The following FRMD4A variants were observed in gnomAD, a reference collection of about 807,000 sequenced individuals.
FRMD4A encodes the protein FERM domain containing 4A, also known as FERM domain-containing protein 4A.
In FRMD4A, 29 loss-of-function variants were observed where a neutral mutation model predicts 129.1. The ratio of observed to expected loss-of-function variants is 0.22; its 90% CI spans 0.17 to 0.31. The LOEUF is 0.31. Ranked by LOEUF, FRMD4A falls within the 10% of genes least tolerant of loss-of-function variation. FRMD4A has a pLI of 1.00. For missense variants in FRMD4A, 1,272 were observed against 1,375.8 expected, an observed-to-expected ratio of 0.92 and a Z score of 1.19; for synonymous variants, 634 against 571.6, an observed-to-expected ratio of 1.11 and a Z score of -1.56.
intron 2 of FRMD4A, among the ~76,000 whole-genome samples, chr10:13,972,685 T>C (rs1418509516): frequency 4.6e-5 from 7 of 152,232 alleles, no homozygotes; most frequent in African/African-American, 1.7e-4. Flanking sequence ...TAAGTTGTTT[T>C]GATTGTTGAT....
chr10:13,992,252 G>A (rs895086024), intron 2 of FRMD4A, among the ~76,000 whole-genome samples: 3 of 152,238 alleles, frequency 2.0e-5, no homozygotes, highest in Non-Finnish European at 2.9e-5. Flanking sequence ...GGTTCAAGGG[G>A]TTTCTACAAA....
chr10:14,205,794 G>A (rs1362569270), intron 2 of FRMD4A, among the ~76,000 whole-genome samples: 2 of 127,012 alleles, frequency 1.6e-5, no homozygotes, highest in Admixed American at 8.5e-5. Context: ...GCGACAGAGC[G>A]AGACTCTGTC....
At chr10:14,058,622 G>T (rs1834657069) in intron 2 of FRMD4A, among the ~76,000 whole-genome samples, 1 of 152,226 alleles carries the variant, frequency 6.6e-6, no homozygotes, top group African/African-American at 2.4e-5. Flanking sequence ...GGGAGGCACA[G>T]ATTGGATTCT....
chr10:14,208,837 T>C (rs772792072), intron 2 of FRMD4A, among the ~76,000 whole-genome samples: 1 of 152,152 alleles, frequency 6.6e-6, no homozygotes, highest in Non-Finnish European at 1.5e-5. Context: ...AGATCCATAT[T>C]GATGAAACAG....
intron 7 of FRMD4A, among the ~76,000 whole-genome samples, 197 bp from the exon 8 acceptor site, chr10:13,761,866 A>G (rs17628770): frequency 0.22 from 32,908 of 152,234 alleles, 4,507 homozygotes; most frequent in Non-Finnish European, 0.3. Context: ...ATATGAAACT[A>G]AACTCTAGAA....
rs920091175 is a variant in FRMD4A, at chr10:13,675,917, T to C, written c.1118-873A>G. 9 of 152,114 alleles carry C rather than the reference T, an allele frequency of 5.9e-5. 1 individual carries two copies. Among genetic ancestry groups the C allele is most frequent in the African/African-American group, 2.2e-4 (9 of 41,346 alleles). The allele number at this position is 152,114 out of a possible 1,614,324, so 9.4% of individuals were successfully genotyped here. A position where few individuals can be genotyped will look rare whatever the true frequency, so the allele number is the denominator to read the frequency against. On this transcript the variant is annotated intron_variant, in intron 15 of 24. Transcript: ENST00000357447. Reference sequence around the variant, plus strand: ...TTTAAAAAATAAAATTAGAATGCTATTGTATTTTTTAACTTCATGTTTTGT... The same window carrying C: ...TTTAAAAAATAAAATTAGAATGCTACTGTATTTTTTAACTTCATGTTTTGT...
At position 14,023,442 on chromosome 10, in the gene FRMD4A, T is replaced by C. The variant is rs547958102; in HGVS notation, c.46-164530A>G. On this transcript the variant is annotated intron_variant, in intron 2 of 24. Transcript: ENST00000357447. ...CTATAAAGAAAGCGCCAACCTTCCA[T>C]AGCCTTCTCCAGCTGCGAGACGCAG... is the stretch of plus-strand genomic sequence containing the variant. 3.9e-5 allele frequency among the ~76,000 whole-genome samples: 6 copies of C among 152,274 alleles called. No individual in the cohort carries two copies. The South Asian group carries it at 1.0e-3, about 26-fold the overall frequency.
intron 3 of FRMD4A, among the ~76,000 whole-genome samples, chr10:13,822,903 C>T (rs549248268): frequency 3.2e-4 from 49 of 152,294 alleles, no homozygotes; most frequent in African/African-American, 1.2e-3. Context: ...CTCTCTCCTT[C>T]CAAGTGACTC....
intron 2 of FRMD4A, among the ~76,000 whole-genome samples, chr10:14,153,127 C>T (rs539131811): frequency 6.6e-6 from 1 of 152,340 alleles, no homozygotes; most frequent in Admixed American, 6.5e-5. Flanking sequence ...TATTGCAGTG[C>T]AGAGGGCTTT....
chr10:14,190,041 G>A (rs1053340678), intron 2 of FRMD4A, among the ~76,000 whole-genome samples: 7 of 152,138 alleles, frequency 4.6e-5, no homozygotes, highest in Admixed American at 6.5e-5. Context: ...CTCCCCACAC[G>A]TACACCACTT....
chr10:14,203,366 G>C (rs2031691), intron 2 of FRMD4A, among the ~76,000 whole-genome samples: 37,623 of 152,068 alleles, frequency 0.25, 4,966 homozygotes, highest in East Asian at 0.4. Flanking sequence ...TTACATCGCT[G>C]TTTTGCAGTG....
At chr10:13,980,908 T>A (rs2095558276) in intron 2 of FRMD4A, among the ~76,000 whole-genome samples, 1 of 152,172 alleles carries the variant, frequency 6.6e-6, no homozygotes, top group Non-Finnish European at 1.5e-5. Flanking sequence ...GATTAGTCAA[T>A]GAATCAGACT....
At chr10:13,677,350 C>T (rs2084095350) in intron 15 of FRMD4A, among the ~76,000 whole-genome samples, 1 of 152,214 alleles carries the variant, frequency 6.6e-6, no homozygotes, top group East Asian at 1.9e-4. Flanking sequence ...TAAATGTTCA[C>T]AGTCATATAC....
chr10:13,651,996 G>C (rs1253786282), intron 23 of FRMD4A, 22 bp from the exon 24 acceptor site: 2 of 1,402,848 alleles, frequency 1.4e-6, no homozygotes, highest in Non-Finnish European at 2.0e-6. Context: ...AAAGCAGGAG[G>C]AGGAAGAGAA....
rs183386422 is a variant in FRMD4A, at chr10:14,043,631, C to G, written c.46-184719G>C. Reference sequence around the variant, plus strand: ...GATTTCTCACTCCCCAGCACCTGCTCTAACTTCTGTCCATCACTCCAGCCT... The same window carrying G: ...GATTTCTCACTCCCCAGCACCTGCTGTAACTTCTGTCCATCACTCCAGCCT... On this transcript the variant is annotated intron_variant, in intron 2 of 24. Coordinates refer to ENST00000357447, the MANE Select transcript of FRMD4A (RefSeq NM_018027.5). Among the ~76,000 whole-genome samples the G allele has an allele frequency of 2.0e-5, 3 of 152,354 alleles. No individual in the cohort carries two copies. In the East Asian group the frequency reaches 5.8e-4, roughly 29 times the overall value.
intron 2 of FRMD4A, among the ~76,000 whole-genome samples, chr10:14,302,266 A>G (rs1450076850): frequency 6.6e-6 from 1 of 152,166 alleles, no homozygotes; most frequent in African/African-American, 2.4e-5. Context: ...TGGTTTGGGG[A>G]AAAAATACAA....
chr10:13,912,070 C>T (rs2094946723), intron 2 of FRMD4A, among the ~76,000 whole-genome samples: 2 of 152,220 alleles, frequency 1.3e-5, no homozygotes. Context: ...AATGAATATG[C>T]ACAATCCAAA....
At chr10:14,322,346 G>T (rs781468078) in intron 2 of FRMD4A, among the ~76,000 whole-genome samples, 3 of 152,126 alleles carry the variant, frequency 2.0e-5, no homozygotes, top group East Asian at 1.9e-4. Flanking sequence ...ACCAACTAAG[G>T]TTGGGGAGAA....
intron 2 of FRMD4A, among the ~76,000 whole-genome samples, chr10:14,289,088 T>C (rs946988075): frequency 1.3e-5 from 2 of 152,228 alleles, no homozygotes; most frequent in African/African-American, 4.8e-5. Context: ...TAAGAGTGCC[T>C]ATGTCTCTTC....
Sources: gnomAD v4.1 joint callset for allele counts (sites outside exome capture counted in the v4.1 genomes callset) on GRCh38, gnomAD v4.1.1 for gene constraint, MANE v1.5 for transcripts, NCBI Gene and HGNC (gene_info 2026-07-23, HGNC 2026-07-21) for gene names.